NT5C1B: variants seen among roughly 807,000 people sequenced by gnomAD.
NT5C1B encodes the protein 5'-nucleotidase, cytosolic IB, also known as cytosolic 5'-nucleotidase 1B.
NT5C1B carries 44 observed loss-of-function variants against 57.8 expected under a neutral mutation model. That is an observed-to-expected ratio of 0.76 (90% CI 0.60 to 0.98). NT5C1B has a LOEUF of 0.98. Among genes scored for constraint, NT5C1B ranks in the 50% least tolerant of loss-of-function variants. The pLI, the probability that NT5C1B is intolerant of heterozygous loss-of-function variation, is 0.00. For synonymous variants in NT5C1B, 284 were observed against 282.6 expected (o/e 1.00, Z -0.05); for missense variants, 742 against 719.5 (o/e 1.03, Z -0.36).
At chr2:18,568,521 A>G (rs1664865403) in intron 8 of NT5C1B, among the ~76,000 whole-genome samples, 1 of 152,226 alleles carries the variant, frequency 6.6e-6, no homozygotes, top group African/African-American at 2.4e-5. Flanking sequence ...ATCTCTGAAA[A>G]TGATTAAAAG....
chr2:18,570,780 A>G (rs1484892098), intron 8 of NT5C1B, among the ~76,000 whole-genome samples: 1 of 152,222 alleles, frequency 6.6e-6, no homozygotes. Context: ...ACATAAATGA[A>G]TAAATAATAC....
rs1009552464 is a variant in NT5C1B at position 18,570,159 on chromosome 2, A to T, written c.1329+6025T>A. Among the ~76,000 whole-genome samples the T allele has an allele frequency of 5.4e-5, 8 of 147,932 alleles. No homozygotes were observed. In the South Asian group the frequency reaches 1.7e-3, roughly 31 times the overall value. ...TTAAAAAATATATTTTGAATTAAAT[A>T]AAAAAAAATCATCTATCAAAATTTG... On this transcript the variant is annotated intron_variant, in intron 8 of 8. Coordinates refer to ENST00000304081, the Ensembl canonical transcript of NT5C1B.
At chr2:18,574,835 A>C (rs1395667805) in intron 8 of NT5C1B, among the ~76,000 whole-genome samples, 5 of 152,124 alleles carry the variant, frequency 3.3e-5, no homozygotes, top group Admixed American at 6.6e-5. Context: ...CAATACAAAA[A>C]AAATTTTAAA....
Position 18,584,696 on chromosome 2 carries a change from T to TG in NT5C1B, c.540dup (p.Thr181HisfsTer103). The TG allele has an allele frequency of 6.2e-7, 1 of 1,612,074 alleles. No homozygotes were observed. Among genetic ancestry groups the TG allele is most frequent in the Non-Finnish European group, 8.5e-7 (1 of 1,178,888 alleles). ...CGCTGGCTGGAGGACTTCCACTCGG[T>TG]GGGGGACGTGCGCGAATATTCCAGC... On this transcript the variant is annotated frameshift_variant, in exon 4 of 9. Transcript: ENST00000304081. LOFTEE classifies it high-confidence loss of function. This position sits in a 1 kb window ranked among gnomAD's most constrained non-coding sequence, Gnocchi z 5.8.
At chr2:18,589,232 G>A (rs548524092) in intron 1 of NT5C1B, among the ~76,000 whole-genome samples, 1 of 152,226 alleles carries the variant, frequency 6.6e-6, no homozygotes, top group South Asian at 2.1e-4. Flanking sequence ...CTCTTTCTTT[G>A]CTGTCTTAAT....
exon 7 of NT5C1B, chr2:18,576,864 C>A (rs1007969970): frequency 6.2e-6 from 10 of 1,613,636 alleles, no homozygotes; most frequent in East Asian, 2.2e-5. Context: ...GGTCTTTTCC[C>A]CCGGTCAGAC....
intron 6 of NT5C1B, among the ~76,000 whole-genome samples, chr2:18,582,141 T>C (rs1388880757): frequency 6.6e-6 from 1 of 152,224 alleles, no homozygotes; most frequent in Non-Finnish European, 1.5e-5. Flanking sequence ...GACTGCACTT[T>C]TAAAAGGCAA....
intron 6 of NT5C1B, among the ~76,000 whole-genome samples, chr2:18,577,547 T>G (rs4832608): frequency 0.033 from 4,867 of 149,314 alleles, 97 homozygotes; most frequent in South Asian, 0.1. Flanking sequence ...AATCAAGAAA[T>G]TATTTGAAGC....
intron 8 of NT5C1B, among the ~76,000 whole-genome samples, chr2:18,574,404 T>C (rs1186396721): frequency 6.6e-6 from 1 of 152,142 alleles, no homozygotes; most frequent in Non-Finnish European, 1.5e-5. Flanking sequence ...ATAGCCACTG[T>C]AGAAAACAGA....
At chr2:18,574,480 G>GTA (rs549171187) in intron 8 of NT5C1B, among the ~76,000 whole-genome samples, 1 of 152,070 alleles carries the variant, frequency 6.6e-6, no homozygotes, top group South Asian at 2.1e-4. Context: ...CCACTGTTGA[G>GTA]TATATATCCA....
At chr2:18,586,742 C>T (rs6741218) in intron 2 of NT5C1B, 22,790 of 641,030 alleles carry the variant, frequency 0.036, 594 homozygotes, top group South Asian at 0.084. Context: ...TTAACAGATG[C>T]TGAAACAATA....
chr2:18,585,530 C>G (rs1666621980), intron 3 of NT5C1B, among the ~76,000 whole-genome samples: 2 of 152,184 alleles, frequency 1.3e-5, no homozygotes, highest in South Asian at 4.1e-4. Context: ...TGTCTGGAGA[C>G]TGGAGCATCT....
chr2:18,564,159 C>A, intron 8 of NT5C1B, 40 bp from the exon 9 acceptor site: 1 of 1,503,608 alleles, frequency 6.7e-7, no homozygotes, highest in Admixed American at 2.2e-5. Flanking sequence ...ATACAGTGAG[C>A]CAAAGAAAGT....
chr2:18,582,230 A>AT (rs1422350358), intron 6 of NT5C1B, among the ~76,000 whole-genome samples: 5 of 152,238 alleles, frequency 3.3e-5, no homozygotes, highest in Non-Finnish European at 7.3e-5. Flanking sequence ...TTATATCTCG[A>AT]TTATTTGTAA....
chr2:18,580,469 G>A (rs919107415), intron 6 of NT5C1B, among the ~76,000 whole-genome samples: 2 of 152,120 alleles, frequency 1.3e-5, no homozygotes, highest in Non-Finnish European at 2.9e-5. Flanking sequence ...TACAAAATTA[G>A]TCGGGCGTGG....
intron 8 of NT5C1B, among the ~76,000 whole-genome samples, chr2:18,573,081 G>C (rs1665355064): frequency 6.6e-6 from 1 of 152,162 alleles, no homozygotes; most frequent in South Asian, 2.1e-4. Context: ...TAAAGAAAAT[G>C]TGGTACATCC....
intron 3 of NT5C1B, chr2:18,585,270 G>A: frequency 1.5e-6 from 1 of 671,328 alleles, no homozygotes; most frequent in Non-Finnish European, 2.8e-6. Context: ...TCCCCCTTAG[G>A]CAGCTGACAC....
chr2:18,570,688 T>G (rs1208606849), intron 8 of NT5C1B, among the ~76,000 whole-genome samples: 1 of 152,132 alleles, frequency 6.6e-6, no homozygotes, highest in Non-Finnish European at 1.5e-5. Context: ...TGTATCACAT[T>G]TTATGAGGTT....
At chr2:18,570,202 G>A (rs2317857) in intron 8 of NT5C1B, among the ~76,000 whole-genome samples, 29,824 of 151,838 alleles carry the variant, frequency 0.2, 5,937 homozygotes, top group African/African-American at 0.51. Flanking sequence ...CAACTACAGC[G>A]GTGTTTAGAG....
Sources: gnomAD v4.1 joint callset for allele counts (sites outside exome capture counted in the v4.1 genomes callset) on GRCh38, gnomAD v4.1.1 for gene constraint, Gnocchi (gnomAD v3.1) non-coding constraint, MANE v1.5 for transcripts, NCBI Gene and HGNC (gene_info 2026-07-23, HGNC 2026-07-21) for gene names.